PZP: variants seen among roughly 807,000 people sequenced by gnomAD.
PZP encodes PZP alpha-2-macroglobulin like.
In PZP, 150 loss-of-function variants were observed where a neutral mutation model predicts 179.8. The ratio of observed to expected loss-of-function variants is 0.83; its 90% CI spans 0.73 to 0.96. The LOEUF (loss-of-function observed/expected upper bound fraction) is 0.96. Among genes scored for constraint, PZP ranks in the 40% least tolerant of loss-of-function variants. PZP has a pLI of 0.00. For synonymous variants in PZP, 624 were observed against 652.3 expected (o/e 0.96, Z 0.66); for missense variants, 1,689 against 1,764.0 (o/e 0.96, Z 0.76).
chr12:9,196,563 A>C lies in PZP; in HGVS notation c.982+8T>G. The C allele has an allele frequency of 6.3e-7, 1 of 1,591,322 alleles. No homozygotes were observed. Among genetic ancestry groups the C allele is most frequent in the Non-Finnish European group, 8.6e-7 (1 of 1,159,420 alleles). On this transcript the variant is annotated splice_region_variant and intron_variant, in intron 9 of 35. Coordinates refer to ENST00000261336, the MANE Select transcript of PZP (RefSeq NM_002864.3). The stretch of plus-strand genomic sequence containing the variant: ...GTTTTATTTCCCATATTCGTTCATT[A>C]CTCACACCTGTCCCCTCTTCTCTGA...
intron 13 of PZP, among the ~76,000 whole-genome samples, chr12:9,185,200 G>A (rs1201269208): frequency 1.3e-5 from 2 of 152,166 alleles, no homozygotes; most frequent in Non-Finnish European, 2.9e-5. Context: ...TGATGCAGAA[G>A]CTGACAGACA....
the PZP span, among the ~76,000 whole-genome samples, chr12:9,141,856 C>T: frequency 1.3e-3 from 201 of 152,242 alleles, no homozygotes; most frequent in African/African-American, 4.3e-3. Context: ...AGATAAGGTC[C>T]GACTTATTCC....
intron 5 of PZP, 25 bp from the exon 6 acceptor site, chr12:9,201,085 C>T (rs371819145): frequency 1.7e-5 from 28 of 1,611,934 alleles, no homozygotes; most frequent in Admixed American, 5.0e-5. Flanking sequence ...GAAACATGGG[C>T]GGTAATCATT....
In PZP at chr12:9,196,420, G is replaced by C; in HGVS notation, c.1002C>G (p.Asn334Lys). The change falls in exon 10 of 36, where the codon AAC (asparagine) becomes AAG (lysine). Residue 334 changes from asparagine to lysine, a missense_variant. Around this residue, in one of 3 missense-constraint regions of PZP, gnomAD observed 742 missense variants for 730.5 expected, o/e 1.02. Coordinates refer to ENST00000261336, the MANE Select transcript of PZP (RefSeq NM_002864.3). ...CAATGTTTGTGATTTCACTGATCCTGTTTGCAGTGACTTCCAGGTCTGAAA... is the reference window on the plus strand; with the variant it reads ...CAATGTTTGTGATTTCACTGATCCTCTTTGCAGTGACTTCCAGGTCTGAAA... Reference protein sequence around the residue: ...EEGTDLEVTANRISEITNIVS... With the variant: ...EEGTDLEVTAKRISEITNIVS... 6.2e-7 allele frequency: 1 copy of C among 1,612,558 alleles called. No individual in the cohort carries two copies. Among genetic ancestry groups the C allele is most frequent in the South Asian group, 1.1e-5 (1 of 91,028 alleles).
chr12:9,154,256 G>C (rs1940576284), intron 29 of PZP, among the ~76,000 whole-genome samples: 1 of 152,190 alleles, frequency 6.6e-6, no homozygotes, highest in Admixed American at 6.5e-5. Flanking sequence ...GGATACTATT[G>C]AATATTTTAT....
intron 13 of PZP, among the ~76,000 whole-genome samples, chr12:9,185,942 G>A (rs1472162985): frequency 6.6e-6 from 1 of 151,626 alleles, no homozygotes; most frequent in Non-Finnish European, 1.5e-5. Context: ...CGAGTAGCTG[G>A]GACTACAGGC....
At chr12:9,144,316 T>C (rs1194212175), downstream of PZP, among the ~76,000 whole-genome samples, 3 of 151,886 alleles carry the variant, frequency 2.0e-5, no homozygotes, top group African/African-American at 7.3e-5. Flanking sequence ...CACTGGAGAG[T>C]AGCCCCAGCC....
chr12:9,192,065 G>A, intron 13 of PZP, 128 bp downstream of exon 13: 1 of 752,990 alleles, frequency 1.3e-6, no homozygotes, highest in Non-Finnish European at 2.3e-6. Context: ...CATAAGACGA[G>A]TATTTTCCTG....
At chr12:9,204,051 C>T (rs1944326364) in intron 1 of PZP, 100 bp from the exon 2 acceptor site, 2 of 1,179,586 alleles carry the variant, frequency 1.7e-6, no homozygotes, top group East Asian at 4.8e-5. Context: ...TTGGTGCAAT[C>T]AGTTTTATTC....
chr12:9,197,772 C>A lies in PZP; in HGVS notation c.756-649G>T, dbSNP rs1459474386. 2.0e-4 allele frequency among the ~76,000 whole-genome samples: 16 copies of A among 79,888 alleles called. No individual in the cohort carries two copies. The South Asian group carries it at 4.3e-3, about 21-fold the overall frequency. The allele number at this position is 79,888 out of a possible 152,430, so 52.4% of individuals were successfully genotyped here. On this transcript the variant is annotated intron_variant, in intron 7 of 35. Transcript: ENST00000261336. ...ATAATATATATAATTATATATTATA[C>A]AATACATAATATATATAATTATATA...
chr12:9,174,275 C>T (rs1354188184), intron 15 of PZP, among the ~76,000 whole-genome samples: 1 of 152,182 alleles, frequency 6.6e-6, no homozygotes, highest in African/African-American at 2.4e-5. Flanking sequence ...TAAAATTCAA[C>T]ATCCCTTTAT....
intron 13 of PZP, among the ~76,000 whole-genome samples, chr12:9,183,079 G>A (rs1942875952): frequency 6.6e-6 from 1 of 152,170 alleles, no homozygotes; most frequent in African/African-American, 2.4e-5. Context: ...AGGACAATTA[G>A]AATTGTAGAA....
At chr12:9,152,976 A>T in intron 30 of PZP, 25 bp from the exon 31 acceptor site, 1 of 1,613,964 alleles carries the variant, frequency 6.2e-7, no homozygotes, top group South Asian at 1.1e-5. Flanking sequence ...AGACACTATC[A>T]GTTTCTCTCT....
In PZP at chr12:9,203,882, G is replaced by C. The variant is rs765616623; in HGVS notation, c.153C>G (p.Ser51Arg). The change falls in exon 2 of 36, where the codon AGC (serine) becomes AGG (arginine). Residue 51 changes from serine to arginine, a missense_variant. Physicochemically the swap from Ser to Arg is moderately radical, Grantham distance 110. Around this residue, in one of 3 missense-constraint regions of PZP, gnomAD observed 742 missense variants for 730.5 expected, o/e 1.02. Coordinates refer to ENST00000261336, the MANE Select transcript of PZP (RefSeq NM_002864.3). Reference sequence around the variant, plus strand: ...TTACAGTCACTGTCTCATTCAGGTGGCTCAGAAGGACACAGCCCTTCTTAG... The same window carrying C: ...TTACAGTCACTGTCTCATTCAGGTGCCTCAGAAGGACACAGCCCTTCTTAG... Reference protein sequence around the residue: ...EAPKKGCVLLSHLNETVTVSA... With the variant: ...EAPKKGCVLLRHLNETVTVSA... 1.2e-6 allele frequency: 2 copies of C among 1,614,058 alleles called. No individual in the cohort carries two copies. The highest frequency in any genetic ancestry group is 1.7e-6 in the Non-Finnish European group (2 of 1,179,956).
rs116307422 is a variant in PZP at position 9,204,123 on chromosome 12, T to G, written c.84-172A>C. On this transcript the variant is annotated intron_variant, in intron 1 of 35. Transcript: ENST00000261336. ...ACAGATCAGCACAAAAATTTTATCT[T>G]TTACTCATCAGCCATGCCTCAGCCA... Among the ~76,000 whole-genome samples the G allele has an allele frequency of 4.3e-3, 650 of 152,292 alleles. 3 individuals carry two copies. Among genetic ancestry groups the G allele is most frequent in the African/African-American group, 0.014 (600 of 41,552 alleles).
downstream of PZP, among the ~76,000 whole-genome samples, chr12:9,148,550 TCTC>T (rs1940129489): frequency 6.6e-6 from 1 of 152,114 alleles, no homozygotes; most frequent in Non-Finnish European, 1.5e-5. Flanking sequence ...TAACAGCACT[TCTC>T]CTCATCTCAA....
chr12:9,181,086 G>A lies in PZP; in HGVS notation c.1736C>T (p.Ala579Val). Reference sequence around the variant, plus strand: ...CGGAGCAGCTGCTACTTGCAGGTGGGCATGTGAGGCTGGGGGACTTTGTGC... The same window carrying A: ...CGGAGCAGCTGCTACTTGCAGGTGGACATGTGAGGCTGGGGGACTTTGTGC... ...SPAQSPPASH[A>V]HLQVAAAPQS... Residue 579 changes from alanine to valine, a missense_variant, in exon 15 of 36, where the codon GCC becomes GTC. By Grantham distance (64) the Ala-to-Val change is moderately conservative. This residue lies in a region of PZP where 742 missense variants were observed against 730.5 expected (regional missense o/e 1.02). Transcript: ENST00000261336. The A allele has an allele frequency of 6.2e-7, 1 of 1,614,144 alleles. No homozygotes were observed. Among genetic ancestry groups the A allele is most frequent in the Non-Finnish European group, 8.5e-7 (1 of 1,180,002 alleles).
rs1014590019 is a variant in PZP, at chr12:9,160,430, C to G, written c.2933G>C (p.Cys978Ser). 6.2e-7 allele frequency: 1 copy of G among 1,613,916 alleles called. No homozygotes were observed. The highest frequency in any genetic ancestry group is 8.5e-7 in the Non-Finnish European group (1 of 1,179,758). ...AAATAGGACCATGTTCTGTTCTCCA[C>G]AGCCATATGGCATCTGGAGGAGATT... is the stretch of plus-strand genomic sequence containing the variant. ...IQNLLQMPYG[C>S]GEQNMVLFAP... is the part of the protein sequence containing the mutation. Residue 978 changes from cysteine to serine, a missense_variant, in exon 24 of 36, where the codon TGT (cysteine) becomes TCT (serine). By Grantham distance (112) the Cys-to-Ser change is moderately radical. Coordinates refer to ENST00000261336, the MANE Select transcript of PZP (RefSeq NM_002864.3).
intron 15 of PZP, among the ~76,000 whole-genome samples, chr12:9,176,273 A>G (rs894544207): frequency 5.3e-5 from 8 of 152,008 alleles, no homozygotes; most frequent in African/African-American, 9.7e-5. Context: ...TACATGGGGG[A>G]ACAACACTCA....
Sources: gnomAD v4.1 joint callset for allele counts (sites outside exome capture counted in the v4.1 genomes callset) on GRCh38, gnomAD v4.1.1 for gene constraint, gnomAD v4.1.1 regional missense constraint, MANE v1.5 for transcripts, NCBI Gene and HGNC (gene_info 2026-07-23, HGNC 2026-07-21) for gene names.